Variants in USP38 observed in about 807,000 individuals in gnomAD.
USP38 encodes ubiquitin carboxyl-terminal hydrolase 38.
In USP38, 49 loss-of-function variants were observed where a neutral mutation model predicts 94.3. That is an observed-to-expected ratio of 0.52 (90% confidence interval 0.41 to 0.66). The LOEUF (loss-of-function observed/expected upper bound fraction) is 0.66, where lower values mean the gene tolerates loss of function less well. Among genes scored for constraint, USP38 ranks in the 30% least tolerant of loss-of-function variants. USP38 has a pLI of 0.00. For synonymous variants in USP38, 468 were observed against 463.6 expected, an observed-to-expected ratio of 1.01 and a Z score of -0.12; for missense variants, 1,128 against 1,229.4, an observed-to-expected ratio of 0.92 and a Z score of 1.23.
chr4:143,186,978 A>C (rs1203918901), intron 1 of USP38, among the ~76,000 whole-genome samples: 1 of 152,188 alleles, frequency 6.6e-6, no homozygotes, highest in Non-Finnish European at 1.5e-5. Flanking sequence ...TTCTTATCTT[A>C]AGAACCAGAA....
At chr4:143,187,728 C>A in intron 1 of USP38, 98 bp from the exon 2 acceptor site, 1 of 1,332,844 alleles carries the variant, frequency 7.5e-7, no homozygotes. Flanking sequence ...TAGTTAACAC[C>A]TTTGCTGCAA....
chr4:143,211,905 A>G lies in USP38; in HGVS notation c.1498-413A>G, dbSNP rs555394762. Among the ~76,000 whole-genome samples the G allele has an allele frequency of 2.1e-3, 316 of 152,340 alleles. 1 individual carries two copies. The highest frequency in any genetic ancestry group is 7.1e-3 in the African/African-American group (295 of 41,586). ...GAGTATTTCCTTTATTACTTTGTTC[A>G]AAATATATACTAACAAAATATACAT... On this transcript the variant is annotated intron_variant, in intron 7 of 9. Transcript: ENST00000307017.
chr4:143,189,711 T>G (rs2149603889), intron 2 of USP38, among the ~76,000 whole-genome samples: 1 of 152,196 alleles, frequency 6.6e-6, no homozygotes, highest in African/African-American at 2.4e-5. Flanking sequence ...TCGAGATTTG[T>G]GAAGGTGCTT....
At chr4:143,216,480 T>C (rs964649235) in intron 9 of USP38, among the ~76,000 whole-genome samples, 1 of 115,544 alleles carries the variant, frequency 8.7e-6, no homozygotes, top group African/African-American at 4.6e-5. Flanking sequence ...AATATTCAAT[T>C]TTTTTTTTTT....
chr4:143,185,990 C>G lies in USP38; in HGVS notation c.540C>G (p.Cys180Trp). The G allele has an allele frequency of 6.2e-7, 1 of 1,614,120 alleles. No homozygotes were observed. The highest frequency in any genetic ancestry group is 1.6e-4 in the Middle Eastern group (1 of 6,062). ...TTCGAACGATAGGCCATTTCCAGTG[C>G]GTGTCCACCCAGGAAAGAGAGCTGC... ...QLVRTIGHFQ[C>W]VSTQERELRE... is the part of the protein sequence containing the mutation. Residue 180 changes from cysteine to tryptophan, a missense_variant, in exon 1 of 10, where the codon TGC becomes TGG. Cys to Trp is a radical substitution (Grantham distance 215, BLOSUM62 -2). Transcript: ENST00000307017.
chr4:143,212,175 C>G (rs1581167170), intron 7 of USP38, 143 bp from the exon 8 acceptor site: 1 of 520,686 alleles, frequency 1.9e-6, no homozygotes, highest in East Asian at 3.4e-5. Flanking sequence ...TTTATCTGTC[C>G]CTAAGTTGCC....
chr4:143,200,705 A>G (rs974621702), intron 4 of USP38, among the ~76,000 whole-genome samples: 4 of 152,228 alleles, frequency 2.6e-5, no homozygotes, highest in Non-Finnish European at 5.9e-5. Context: ...TAATGTAAAA[A>G]AATCACTAGC....
chr4:143,220,482 G>C lies in USP38; in HGVS notation c.*26G>C, dbSNP rs1159849802. On this transcript the variant is annotated 3_prime_UTR_variant, in exon 10 of 10. Coordinates refer to ENST00000307017, the MANE Select transcript of USP38 (RefSeq NM_032557.6). ...TCCTGAGAGAGTCCAAAATGCACTGGTCACGAAACGTCTAATACTATGACT... is the reference window on the plus strand; with the variant it reads ...TCCTGAGAGAGTCCAAAATGCACTGCTCACGAAACGTCTAATACTATGACT... The C allele has an allele frequency of 1.3e-6, 2 of 1,593,094 alleles. No individual in the cohort carries two copies. The highest frequency in any genetic ancestry group is 1.7e-6 in the Non-Finnish European group (2 of 1,170,486).
chr4:143,202,219 A>G lies in USP38; in HGVS notation c.1051-1189A>G, dbSNP rs181172254. Among the ~76,000 whole-genome samples, 154 of 152,308 alleles carry G rather than the reference A, an allele frequency of 1.0e-3. 1 individual carries two copies. The highest frequency in any genetic ancestry group is 3.6e-3 in the African/African-American group (151 of 41,590). ...GAACTCACTAGGAACTGGTAGTTTT[A>G]TGGTCACATTAGTACCTGTGATGGA... On this transcript the variant is annotated intron_variant, in intron 4 of 9. Transcript: ENST00000307017.
chr4:143,207,176 A>G (rs540791030), intron 6 of USP38, among the ~76,000 whole-genome samples: 1 of 152,350 alleles, frequency 6.6e-6, no homozygotes, highest in African/African-American at 2.4e-5. Context: ...ACTTGCCCAA[A>G]GAGGTTTACA....
At chr4:143,217,180 T>C (rs989738760) in intron 9 of USP38, among the ~76,000 whole-genome samples, 1 of 152,188 alleles carries the variant, frequency 6.6e-6, no homozygotes, top group Non-Finnish European at 1.5e-5. Flanking sequence ...TTTAATCAGA[T>C]CATTCTGGTA....
chr4:143,198,067 A>T, intron 4 of USP38, 143 bp downstream of exon 4: 2 of 607,360 alleles, frequency 3.3e-6, no homozygotes, highest in Admixed American at 3.2e-5. Context: ...TTCCTAGAAA[A>T]TTGAGATTGT....
chr4:143,194,872 G>A (rs1262016867), intron 2 of USP38, among the ~76,000 whole-genome samples: 4 of 150,150 alleles, frequency 2.7e-5, no homozygotes, highest in African/African-American at 9.8e-5. Context: ...TTTAGGGAGT[G>A]TCTCTGTCCA....
At chr4:143,186,750 A>G (rs765691587) in intron 1 of USP38, among the ~76,000 whole-genome samples, 8 of 152,232 alleles carry the variant, frequency 5.3e-5, no homozygotes, top group African/African-American at 7.2e-5. Context: ...CTCAGAAAGC[A>G]GAGAAGGGTC....
chr4:143,185,561 G>A lies in USP38; in HGVS notation c.111G>A (p.Gln37=). 6.2e-7 allele frequency: 1 copy of A among 1,614,184 alleles called. No individual in the cohort carries two copies. The change falls in exon 1 of 10, where the codon CAG becomes CAA. Residue 37 remains glutamine (Q), a synonymous_variant. Coordinates refer to ENST00000307017, the MANE Select transcript of USP38 (RefSeq NM_032557.6). ...CGGAGCACTGGCTAGACGAGGCGCA[G>A]TGCGAGGCCATGTTTGACCTGACGA... ...ESAEHWLDEA[Q]CEAMFDLTTR...
intron 9 of USP38, among the ~76,000 whole-genome samples, chr4:143,217,357 A>G (rs1317588296): frequency 6.6e-6 from 1 of 152,174 alleles, no homozygotes; most frequent in African/African-American, 2.4e-5. Context: ...TTTTCATTCT[A>G]TCATTTTTGT....
At position 143,206,070 on chromosome 4, in the gene USP38, T is replaced by C. The variant is rs1348342741; in HGVS notation, c.1247T>C (p.Ile416Thr). 6.2e-7 allele frequency: 1 copy of C among 1,612,098 alleles called. No homozygotes were observed. Among genetic ancestry groups the C allele is most frequent in the Admixed American group, 1.7e-5 (1 of 59,664 alleles). Residue 416 changes from isoleucine (I) to threonine (T), a missense_variant, in exon 6 of 10, where the codon ATT becomes ACT. Transcript: ENST00000307017. The part of the protein sequence containing the change: ...PKPSEEKIKL[I>T]LNQSAWTSQS... Reference sequence around the variant, plus strand: ...CCCAGTGAAGAGAAGATTAAGTTAATTCTCAATCAAAGTGCCTGGACTTCT... The same window carrying C: ...CCCAGTGAAGAGAAGATTAAGTTAACTCTCAATCAAAGTGCCTGGACTTCT...
chr4:143,195,116 T>C (rs1731507324), intron 2 of USP38, among the ~76,000 whole-genome samples: 1 of 152,202 alleles, frequency 6.6e-6, no homozygotes, highest in African/African-American at 2.4e-5. Flanking sequence ...TATTAGACTG[T>C]ACTCACCAGG....
In USP38 at chr4:143,195,760, C is replaced by T. The variant is rs1731527732; in HGVS notation, c.863C>T (p.Thr288Ile). Residue 288 changes from threonine (T) to isoleucine (I), a missense_variant, in exon 3 of 10, where the codon ACA becomes ATA. Coordinates refer to ENST00000307017, the MANE Select transcript of USP38 (RefSeq NM_032557.6). Reference protein sequence around the residue: ...LSWPLAQHVDTWVIALLKGLA... With the variant: ...LSWPLAQHVDIWVIALLKGLA... ...TGGCCATTGGCTCAGCATGTGGATACATGGGTAATTGCACTCCTGAAAGGA... is the reference window on the plus strand; with the variant it reads ...TGGCCATTGGCTCAGCATGTGGATATATGGGTAATTGCACTCCTGAAAGGA... 4 of 1,613,222 alleles carry T rather than the reference C, an allele frequency of 2.5e-6. No individual in the cohort carries two copies. Among genetic ancestry groups the T allele is most frequent in the Non-Finnish European group, 3.4e-6 (4 of 1,179,610 alleles).
Sources: gnomAD v4.1 joint callset for allele counts (sites outside exome capture counted in the v4.1 genomes callset) on GRCh38, gnomAD v4.1.1 for gene constraint, MANE v1.5 for transcripts, NCBI Gene and HGNC (gene_info 2026-07-23, HGNC 2026-07-21) for gene names.